The following ASB5 variants were observed in gnomAD, a reference collection of about 807,000 sequenced individuals.
ASB5 encodes the protein ankyrin repeat and SOCS box containing 5.
A neutral mutation model predicts 42.1 loss-of-function variants in ASB5; 45 were observed. The observed-to-expected ratio is 1.07, with a 90% confidence interval of 0.84 to 1.37. ASB5 has a LOEUF of 1.37. Among genes scored for constraint, ASB5 ranks in the 40% most tolerant of loss-of-function variants. The pLI is 0.00. For synonymous variants in ASB5, 147 were observed against 150.6 expected, an observed-to-expected ratio of 0.98 and a Z score of 0.18; for missense variants, 402 against 399.8, an observed-to-expected ratio of 1.01 and a Z score of -0.05.
intron 1 of ASB5, among the ~76,000 whole-genome samples, chr4:176,251,995 C>T (rs1478221254): frequency 6.8e-6 from 1 of 147,142 alleles, no homozygotes; most frequent in African/African-American, 2.5e-5. Flanking sequence ...GAGTCCAGGA[C>T]CTTGAGGCTG....
chr4:176,264,521 T>C (rs1374597603), intron 1 of ASB5, among the ~76,000 whole-genome samples: 1 of 152,110 alleles, frequency 6.6e-6, no homozygotes, highest in Non-Finnish European at 1.5e-5. Flanking sequence ...AAATATAAAT[T>C]GGAATGAAAA....
At chr4:176,254,804 C>G (rs1754120970) in intron 1 of ASB5, among the ~76,000 whole-genome samples, 1 of 152,128 alleles carries the variant, frequency 6.6e-6, no homozygotes, top group South Asian at 2.1e-4. Context: ...AAAAAATGCT[C>G]TACATCACTA....
At chr4:176,239,765 A>C (rs928497290) in intron 1 of ASB5, among the ~76,000 whole-genome samples, 1 of 152,220 alleles carries the variant, frequency 6.6e-6, no homozygotes. Context: ...AAGCCATTGG[A>C]TTTGAGTATA....
At chr4:176,267,929 C>T (rs1754389549) in intron 1 of ASB5, among the ~76,000 whole-genome samples, 1 of 152,070 alleles carries the variant, frequency 6.6e-6, no homozygotes, top group Non-Finnish European at 1.5e-5. Context: ...AATGTAGGAA[C>T]ATGGATTTTA....
chr4:176,255,983 A>T (rs1390653934), intron 1 of ASB5, among the ~76,000 whole-genome samples: 3 of 152,248 alleles, frequency 2.0e-5, no homozygotes, highest in Admixed American at 1.3e-4. Context: ...TTGTATTATT[A>T]GCATTATTCT....
intron 1 of ASB5, among the ~76,000 whole-genome samples, chr4:176,238,754 G>GA (rs545426618): frequency 2.0e-5 from 3 of 151,332 alleles, no homozygotes; most frequent in African/African-American, 4.9e-5. Context: ...CCAAGTAAGA[G>GA]AAAAAAAAAT....
In ASB5 at chr4:176,216,823, T is replaced by G; in HGVS notation, c.857A>C (p.His286Pro). Residue 286 changes from histidine (H) to proline (P), a missense_variant, in exon 6 of 7, where the codon CAT becomes CCT. Physicochemically the swap from His to Pro is moderately conservative, Grantham distance 77. Coordinates refer to ENST00000296525, the MANE Select transcript of ASB5 (RefSeq NM_080874.4). ...SSMVERILLQ[H>P]EATPSSLYQL... ...TCCACATGTATTTTTCTTACCTTCA[T>G]GTTGAAGCAATATCCTTTCCACCAT... 1 of 1,572,768 alleles carries G rather than the reference T, an allele frequency of 6.4e-7. No homozygotes were observed. Among genetic ancestry groups the G allele is most frequent in the Non-Finnish European group, 8.6e-7 (1 of 1,162,506 alleles).
chr4:176,257,511 C>T (rs1003590782), intron 1 of ASB5, among the ~76,000 whole-genome samples: 2 of 152,148 alleles, frequency 1.3e-5, no homozygotes, highest in African/African-American at 4.8e-5. Context: ...CATTACTTTG[C>T]TCCAATCCTA....
chr4:176,252,676 T>C (rs1465383329), intron 1 of ASB5, among the ~76,000 whole-genome samples: 3 of 152,140 alleles, frequency 2.0e-5, no homozygotes, highest in Non-Finnish European at 2.9e-5. Flanking sequence ...GTACAAAGAC[T>C]CTGAAAGACA....
intron 1 of ASB5, among the ~76,000 whole-genome samples, chr4:176,266,913 C>T (rs1417549665): frequency 6.6e-6 from 1 of 152,082 alleles, no homozygotes; most frequent in East Asian, 1.9e-4. Context: ...AATGTGGAAA[C>T]CATTGCATAT....
Position 176,222,351 on chromosome 4 carries a change from C to A in ASB5, c.346G>T (p.Val116Leu). 2 of 1,613,962 alleles carry A rather than the reference C, an allele frequency of 1.2e-6. No homozygotes were observed. Among genetic ancestry groups the A allele is most frequent in the East Asian group, 2.2e-5 (1 of 44,888 alleles). ...PLHEACLGDH[V>L]ACARTLLEAG... ...TCCAGCAGAGTTCTGGCACATGCCA[C>A]GTGATCTCCAAGGCAGGCTTCGTGC... is the stretch of plus-strand genomic sequence containing the variant. Residue 116 changes from valine to leucine, a missense_variant, in exon 3 of 7, where the codon GTG (valine) becomes TTG (leucine). Transcript: ENST00000296525.
Position 176,221,485 on chromosome 4 carries a change from C to T in ASB5, c.500G>A (p.Cys167Tyr). 3.1e-6 allele frequency: 5 copies of T among 1,614,118 alleles called. No individual in the cohort carries two copies. The highest frequency in any genetic ancestry group is 4.2e-6 in the Non-Finnish European group (5 of 1,180,002). Residue 167 changes from cysteine (C) to tyrosine (Y), a missense_variant, in exon 4 of 7, where the codon TGT becomes TAT. By Grantham distance (194) the Cys-to-Tyr change is radical (BLOSUM62 -2). Coordinates refer to ENST00000296525, the MANE Select transcript of ASB5 (RefSeq NM_080874.4). ...GGCCTCATGCGTTGGGGATGGAAGA[C>T]ATGACTCCAGCTGGGCTTTGGCACC... ...EYGAKAQLES[C>Y]LPSPTHEAAS...
chr4:176,238,871 T>G (rs1753751032), intron 1 of ASB5, among the ~76,000 whole-genome samples: 1 of 152,212 alleles, frequency 6.6e-6, no homozygotes, highest in South Asian at 2.1e-4. Flanking sequence ...ACATATCTTT[T>G]CCTTATCTTC....
At chr4:176,236,366 A>T in intron 1 of ASB5, among the ~76,000 whole-genome samples, 1 of 152,330 alleles carries the variant, frequency 6.6e-6, no homozygotes, top group South Asian at 2.1e-4. Context: ...CCTCTAGCAC[A>T]GTGTCTAGCA....
intron 2 of ASB5, among the ~76,000 whole-genome samples, chr4:176,274,256 C>G (rs141491480): frequency 2.6e-5 from 4 of 152,208 alleles, no homozygotes; most frequent in Non-Finnish European, 5.9e-5. Flanking sequence ...CCTGAAGTAG[C>G]TGATCTGACA....
At chr4:176,268,242 T>C (rs1754395519) in intron 1 of ASB5, among the ~76,000 whole-genome samples, 1 of 152,206 alleles carries the variant, frequency 6.6e-6, no homozygotes, top group Non-Finnish European at 1.5e-5. Flanking sequence ...TTTGGTTTCA[T>C]ACTACAATTT....
Position 176,214,699 on chromosome 4 carries a change from A to G in ASB5, c.*901T>C, listed in dbSNP as rs1752919544. The G allele has an allele frequency of 6.6e-6, 1 of 152,088 alleles. No individual in the cohort carries two copies. The highest frequency in any genetic ancestry group is 6.6e-5 in the Admixed American group (1 of 15,250). 9.4% of individuals were successfully genotyped at this position (152,088 alleles called of 1,614,324 possible). On this transcript the variant is annotated 3_prime_UTR_variant, in exon 7 of 7. Coordinates refer to ENST00000296525, the MANE Select transcript of ASB5 (RefSeq NM_080874.4). ...AGTTTTTAATCTTCCATTTTTTTAT[A>G]TCCTTGGACTGATGTGATGATCCCC... is the stretch of plus-strand genomic sequence containing the variant.
At chr4:176,263,548 T>C (rs1224267327) in intron 1 of ASB5, among the ~76,000 whole-genome samples, 1 of 152,186 alleles carries the variant, frequency 6.6e-6, no homozygotes, top group Non-Finnish European at 1.5e-5. Flanking sequence ...TATTTTGTCA[T>C]ACAAGAGCAG....
intron 1 of ASB5, 112 bp downstream of exon 1, chr4:176,268,800 AC>A (rs2126980521): frequency 1.1e-6 from 1 of 946,166 alleles, no homozygotes; most frequent in East Asian, 2.8e-5. Flanking sequence ...ATTTCCCTTA[AC>A]AAAAGTTTAT....
Sources: gnomAD v4.1 joint callset for allele counts (sites outside exome capture counted in the v4.1 genomes callset) on GRCh38, gnomAD v4.1.1 for gene constraint, MANE v1.5 for transcripts, NCBI Gene and HGNC (gene_info 2026-07-23, HGNC 2026-07-21) for gene names.